The following HTR7 variants were observed in gnomAD, a reference collection of about 807,000 sequenced individuals.
The protein encoded by HTR7 is 5-HT-7.
A neutral mutation model predicts 34.0 loss-of-function variants in HTR7; 16 were observed. That is an observed-to-expected ratio of 0.47 (90% CI 0.32 to 0.71). HTR7 has a LOEUF of 0.71. HTR7 is among the 30% of genes least tolerant of loss of function. The probability of loss-of-function intolerance (pLI) is 0.04; values close to 1 mark genes in which losing one functional copy is unlikely to be tolerated. For synonymous variants in HTR7, 265 were observed against 260.2 expected, an observed-to-expected ratio of 1.02 and a Z score of -0.18; for missense variants, 504 against 625.5, an observed-to-expected ratio of 0.81 and a Z score of 2.07.
At chr10:90,787,662 A>G (rs1236269274) in intron 1 of HTR7, among the ~76,000 whole-genome samples, 1 of 152,158 alleles carries the variant, frequency 6.6e-6, no homozygotes, top group Non-Finnish European at 1.5e-5. Context: ...ATTATCATTC[A>G]TATTTTAGAG....
chr10:90,785,498 A>C (rs912805503), intron 1 of HTR7, among the ~76,000 whole-genome samples: 1 of 152,114 alleles, frequency 6.6e-6, no homozygotes, highest in African/African-American at 2.4e-5. Flanking sequence ...ATGTCTGTCT[A>C]TCTGCCTCCT....
intron 1 of HTR7, among the ~76,000 whole-genome samples, chr10:90,808,811 G>T (rs189051364): frequency 8.5e-5 from 13 of 152,214 alleles, no homozygotes; most frequent in Non-Finnish European, 1.2e-4. Context: ...ACTTTCTTCT[G>T]CAATGCCACT....
Position 90,742,543 on chromosome 10 carries a change from G to C in HTR7, c.1394-15C>G. On this transcript the variant is annotated splice_polypyrimidine_tract_variant and intron_variant, in intron 3 of 3. Coordinates refer to ENST00000336152, the MANE Select transcript of HTR7 (RefSeq NM_019859.4). The stretch of plus-strand genomic sequence containing the variant: ...CAGCATTTTGTCTAAAAAAAAGAGA[G>C]AGAAAAATAGAAAATAATTTAGTAG... 1 of 1,542,562 alleles carries C rather than the reference G, an allele frequency of 6.5e-7. No individual in the cohort carries two copies. The highest frequency in any genetic ancestry group is 1.7e-4 in the Middle Eastern group (1 of 5,908).
chr10:90,742,996 A>C (rs1844578432), intron 3 of HTR7, among the ~76,000 whole-genome samples: 1 of 152,118 alleles, frequency 6.6e-6, no homozygotes, highest in Admixed American at 6.5e-5. Context: ...AGATGCTCAG[A>C]AGTGGCATTA....
intron 1 of HTR7, among the ~76,000 whole-genome samples, chr10:90,815,656 C>G (rs1845888512): frequency 6.6e-6 from 1 of 152,070 alleles, no homozygotes; most frequent in Non-Finnish European, 1.5e-5. Flanking sequence ...ATATGTGCAA[C>G]TGGCCATCAT....
At chr10:90,844,587 C>T (rs190125981) in intron 1 of HTR7, among the ~76,000 whole-genome samples, 72 of 151,238 alleles carry the variant, frequency 4.8e-4, no homozygotes, top group Admixed American at 1.4e-3. Context: ...ATTAGCCGGG[C>T]GTGGTGGTGG....
chr10:90,857,026 T>C lies in HTR7; in HGVS notation c.539+107A>G. The C allele has an allele frequency of 2.8e-6, 3 of 1,074,606 alleles. No homozygotes were observed. The highest frequency in any genetic ancestry group is 4.0e-6 in the Non-Finnish European group (3 of 756,416). 66.6% of individuals were successfully genotyped at this position (1,074,606 alleles called of 1,614,324 possible). ...GCGGTGTTTTAAGCGCAGCCCTTCA[T>C]CCCGCCTTGAAGTCTAGCTTGATCC... On this transcript the variant is annotated intron_variant, in intron 1 of 3. Transcript: ENST00000336152. This position sits in a 1 kb window ranked among gnomAD's most constrained non-coding sequence, Gnocchi z 6.5.
rs560461183 is a variant in HTR7 at position 90,768,911 on chromosome 10, A to C, written c.540-19317T>G. Among the ~76,000 whole-genome samples the C allele has an allele frequency of 6.4e-4, 98 of 152,322 alleles. No individual in the cohort carries two copies. The East Asian group carries it at 0.011, about 17-fold the overall frequency. On this transcript the variant is annotated intron_variant, in intron 1 of 3. Transcript: ENST00000336152. ...TGTCAGTCCTTCAGTTGGCCTTTGA[A>C]GAAAAGGAAGAATGTTGTTGGCCAA...
At position 90,749,543 on chromosome 10, in the gene HTR7, T is replaced by C; in HGVS notation, c.591A>G (p.Lys197=). ...PLTYPVRQNG[K]CMAKMILSVW... Reference sequence around the variant, plus strand: ...CGGAGAGAATCATCTTCGCCATGCATTTCCCATTCTGCCTCACAGGGTATG... The same window carrying C: ...CGGAGAGAATCATCTTCGCCATGCACTTCCCATTCTGCCTCACAGGGTATG... The change falls in exon 2 of 4, where the codon AAA becomes AAG. Residue 197 remains lysine, a synonymous_variant. Transcript: ENST00000336152. The surrounding 1 kb of genome is among the most constrained non-coding windows in gnomAD (Gnocchi z 4.2). 3 of 1,614,016 alleles carry C rather than the reference T, an allele frequency of 1.9e-6. No individual in the cohort carries two copies. The South Asian group carries it at 3.3e-5, about 18-fold the overall frequency.
intron 1 of HTR7, among the ~76,000 whole-genome samples, chr10:90,753,611 G>C (rs1844778842): frequency 1.3e-5 from 2 of 152,006 alleles, no homozygotes; most frequent in Admixed American, 1.3e-4. Context: ...CACACATCTA[G>C]GATTTTGTCT....
rs74946405 is a variant in HTR7, at chr10:90,744,924, C to T, written c.1296-1234G>A. On this transcript the variant is annotated intron_variant, in intron 2 of 3. Coordinates refer to ENST00000336152, the MANE Select transcript of HTR7 (RefSeq NM_019859.4). ...ATAAGCTCCCACATTGGTGCCTTTA[C>T]AAAAAAAGTCCTCTTCACCTAGAAT... is the stretch of plus-strand genomic sequence containing the variant. 1.6e-3 allele frequency among the ~76,000 whole-genome samples: 243 copies of T among 152,160 alleles called. 5 individuals carry two copies. The East Asian group carries it at 0.039, about 24-fold the overall frequency.
chr10:90,800,957 C>T (rs12764938), intron 1 of HTR7, among the ~76,000 whole-genome samples: 39,495 of 151,958 alleles, frequency 0.26, 5,459 homozygotes, highest in African/African-American at 0.35. Context: ...CCCTTTGACC[C>T]GCAGCAATTC....
chr10:90,748,443 T>G (rs1254260954), intron 2 of HTR7, among the ~76,000 whole-genome samples: 1 of 152,170 alleles, frequency 6.6e-6, no homozygotes, highest in Non-Finnish European at 1.5e-5. Flanking sequence ...AAAGAAGAAT[T>G]TATCTGTGAA....
chr10:90,792,234 G>C (rs1454164907), intron 1 of HTR7, among the ~76,000 whole-genome samples: 25 of 152,102 alleles, frequency 1.6e-4, no homozygotes, highest in Admixed American at 1.6e-3. Context: ...AGTAGTGCGA[G>C]TTAAAAATAA....
At chr10:90,847,934 T>C (rs1394730769) in intron 1 of HTR7, among the ~76,000 whole-genome samples, 2 of 152,296 alleles carry the variant, frequency 1.3e-5, no homozygotes, top group Middle Eastern at 3.4e-3. Flanking sequence ...ACATGGACAC[T>C]TTAACAATAA....
At chr10:90,787,531 A>G (rs1191003408) in intron 1 of HTR7, among the ~76,000 whole-genome samples, 1 of 152,102 alleles carries the variant, frequency 6.6e-6, no homozygotes, top group Non-Finnish European at 1.5e-5. Context: ...GACAAAGCTC[A>G]CTACCTTCAC....
chr10:90,835,578 A>T (rs902452993), intron 1 of HTR7, among the ~76,000 whole-genome samples: 1 of 152,194 alleles, frequency 6.6e-6, no homozygotes, highest in Non-Finnish European at 1.5e-5. Context: ...TGTTTCATTC[A>T]TTCATTCACT....
chr10:90,791,594 A>G (rs371094369), intron 1 of HTR7, among the ~76,000 whole-genome samples: 15 of 152,234 alleles, frequency 9.9e-5, no homozygotes, highest in African/African-American at 3.6e-4. Context: ...TGGCAAGGCT[A>G]GCCTAAATTA....
chr10:90,842,221 T>A (rs371194578), intron 1 of HTR7, among the ~76,000 whole-genome samples: 2 of 152,276 alleles, frequency 1.3e-5, no homozygotes, highest in East Asian at 3.9e-4. Context: ...TAGGCCCTTT[T>A]GCCCTCTGTT....
Sources: allele counts gnomAD v4.1 joint callset (sites outside exome capture counted in the v4.1 genomes callset), GRCh38; gene constraint gnomAD v4.1.1; non-coding constraint Gnocchi (gnomAD v3.1); transcripts MANE v1.5; gene names NCBI Gene and HGNC (gene_info 2026-07-23, HGNC 2026-07-21).